The following CCAR2 variants were observed in gnomAD, a reference collection of about 807,000 sequenced individuals.
The protein encoded by CCAR2 is cell cycle and apoptosis regulator protein 2.
In CCAR2, 21 loss-of-function variants were observed where a neutral mutation model predicts 108.1. The ratio of observed to expected loss-of-function variants is 0.19; its 90% CI spans 0.14 to 0.28. The LOEUF (loss-of-function observed/expected upper bound fraction) is 0.28, where lower values mean the gene tolerates loss of function less well. Among genes scored for constraint, CCAR2 ranks in the 10% least tolerant of loss-of-function variants. The pLI, the probability that CCAR2 is intolerant of heterozygous loss-of-function variation, is 1.00. For synonymous variants in CCAR2, 577 were observed against 472.8 expected, an observed-to-expected ratio of 1.22 and a Z score of -2.86; for missense variants, 1,126 against 1,177.0, an observed-to-expected ratio of 0.96 and a Z score of 0.63.
At chr8:22,613,960 C>T (rs1362495741) in intron 8 of CCAR2, 132 bp from the exon 9 acceptor site, 7 of 706,380 alleles carry the variant, frequency 9.9e-6, no homozygotes, top group Admixed American at 2.7e-5. Flanking sequence ...GATCTAGCTT[C>T]CTTGAGAGGT....
chr8:22,611,008 A>G (rs557713010), intron 7 of CCAR2, among the ~76,000 whole-genome samples: 1 of 152,272 alleles, frequency 6.6e-6, no homozygotes, highest in East Asian at 1.9e-4. Flanking sequence ...AAAAATGTGT[A>G]AAGCAGTACA....
Position 22,607,950 on chromosome 8 carries a change from A to C in CCAR2, c.488-19A>C, listed in dbSNP as rs772291562. 1 of 1,611,024 alleles carries C rather than the reference A, an allele frequency of 6.2e-7. No homozygotes were observed. Among genetic ancestry groups the C allele is most frequent in the Non-Finnish European group, 8.5e-7 (1 of 1,177,892 alleles). On this transcript the variant is annotated intron_variant, in intron 6 of 20. Coordinates refer to ENST00000308511, the MANE Select transcript of CCAR2 (RefSeq NM_001393997.1). ...CGGTTTTTAGGGTTTTTGAGTCACC[A>C]GTCATTTCCTTTCTGCAGCTCTGAG...
At chr8:22,616,918 G>T (rs1801543076) in intron 14 of CCAR2, among the ~76,000 whole-genome samples, 1 of 81,146 alleles carries the variant, frequency 1.2e-5, no homozygotes, top group African/African-American at 5.1e-5. Context: ...GTCTTGCTCT[G>T]TCACCCAGGC....
chr8:22,618,090 G>GT (rs1295666442), intron 16 of CCAR2: 28 of 595,462 alleles, frequency 4.7e-5, no homozygotes, highest in South Asian at 4.1e-4. Context: ...TTGATGTTTT[G>GT]TTTTTTAGAG....
intron 6 of CCAR2, among the ~76,000 whole-genome samples, chr8:22,607,578 C>T (rs1801125199): frequency 6.6e-6 from 1 of 151,590 alleles, no homozygotes; most frequent in Non-Finnish European, 1.5e-5. Context: ...AGCAATTCTC[C>T]TGCCTCAGCT....
chr8:22,619,781 A>C lies in CCAR2; in HGVS notation c.*99A>C. ...GAAAGCAGCGAGAGCGAGACCTGGG[A>C]GCCAGGGCAGGGGTGGCTGACCCCA... On this transcript the variant is annotated 3_prime_UTR_variant, in exon 21 of 21. Transcript: ENST00000308511. 7.4e-7 allele frequency: 1 copy of C among 1,350,474 alleles called. No individual in the cohort carries two copies. The highest frequency in any genetic ancestry group is 1.0e-6 in the Non-Finnish European group (1 of 975,806). The allele number at this position is 1,350,474 out of a possible 1,614,324, so 83.7% of individuals were successfully genotyped here. A position where few individuals can be genotyped will look rare whatever the true frequency, so the allele number is the denominator to read the frequency against.
Position 22,619,698 on chromosome 8 carries a change from C to G in CCAR2, c.*16C>G, listed in dbSNP as rs1002018861. 9.6e-6 allele frequency: 15 copies of G among 1,562,190 alleles called. No homozygotes were observed. The highest frequency in any genetic ancestry group is 1.4e-5 in the African/African-American group (1 of 73,706). On this transcript the variant is annotated 3_prime_UTR_variant, in exon 21 of 21. Transcript: ENST00000308511. The stretch of plus-strand genomic sequence containing the variant: ...TAGCAACTGACGGCCTCGCACGGAA[C>G]TGCCATCCTGTGAGGGCAGCGGTGG...
chr8:22,618,254 C>T, intron 16 of CCAR2, 95 bp from the exon 17 acceptor site: 8 of 1,539,358 alleles, frequency 5.2e-6, no homozygotes, highest in Non-Finnish European at 7.1e-6. Flanking sequence ...CTGCATGTGG[C>T]CCAAGCCACT....
At position 22,608,031 on chromosome 8, in the gene CCAR2, C is replaced by G; in HGVS notation, c.550C>G (p.Arg184Gly). The stretch of plus-strand genomic sequence containing the variant: ...GAGCCACCTGAACAGATTTCCTGCC[C>G]GGGGCCCTCATGGACGGTTGGATCA... ...HLSHLNRFPA[R>G]GPHGRLDQGR... The change falls in exon 7 of 21, where the codon CGG becomes GGG. Residue 184 changes from arginine (R) to glycine (G), a missense_variant. Arg to Gly is a moderately radical substitution (Grantham distance 125). This residue lies in a region of CCAR2 where 1,013 missense variants were observed against 993.9 expected (regional missense o/e 1.02). Coordinates refer to ENST00000308511, the MANE Select transcript of CCAR2 (RefSeq NM_001393997.1). 6.2e-7 allele frequency: 1 copy of G among 1,613,954 alleles called. No individual in the cohort carries two copies. Among genetic ancestry groups the G allele is most frequent in the Non-Finnish European group, 8.5e-7 (1 of 1,179,978 alleles).
At chr8:22,611,523 T>C (rs1277567329) in intron 7 of CCAR2, among the ~76,000 whole-genome samples, 3 of 152,016 alleles carry the variant, frequency 2.0e-5, no homozygotes, top group Non-Finnish European at 2.9e-5. Context: ...TAACTGTTGT[T>C]AACAGGTAGG....
Position 22,608,200 on chromosome 8 carries a change from A to G in CCAR2, c.584+135A>G, listed in dbSNP as rs140378194. On this transcript the variant is annotated intron_variant, in intron 7 of 20. Coordinates refer to ENST00000308511, the MANE Select transcript of CCAR2 (RefSeq NM_001393997.1). Reference sequence around the variant, plus strand: ...GAAGGTGGCTATGCTTACCACTAACATTCTTTGCCTGCAGCTAGATCCTAG... The same window carrying G: ...GAAGGTGGCTATGCTTACCACTAACGTTCTTTGCCTGCAGCTAGATCCTAG... 6 of 639,240 alleles carry G rather than the reference A, an allele frequency of 9.4e-6. No individual in the cohort carries two copies. In the African/African-American group the frequency reaches 1.1e-4, roughly 12 times the overall value. The allele number at this position is 639,240 out of a possible 1,614,324, so 39.6% of individuals were successfully genotyped here. A position where few individuals can be genotyped will look rare whatever the true frequency, so the allele number is the denominator to read the frequency against.
At chr8:22,614,619 C>A in intron 10 of CCAR2, 116 bp downstream of exon 10, 1 of 1,082,924 alleles carries the variant, frequency 9.2e-7, no homozygotes, top group South Asian at 1.3e-5. Context: ...CAGAGCCGAA[C>A]ACCCCTCATT....
chr8:22,604,933 T>C, intron 1 of CCAR2, 91 bp downstream of exon 1: 1 of 357,384 alleles, frequency 2.8e-6, no homozygotes, highest in Non-Finnish European at 5.4e-6. Context: ...GCGGCGAAGA[T>C]GCGTGGGGCG....
rs776186494 is a variant in CCAR2, at chr8:22,619,281, C to T, written c.2653C>T (p.Leu885Phe). The T allele has an allele frequency of 1.9e-5, 29 of 1,564,556 alleles. No homozygotes were observed. The highest frequency in any genetic ancestry group is 2.3e-5 in the Non-Finnish European group (27 of 1,155,308). The part of the protein sequence containing the change: ...ARTAERQKSQ[L>F]QRLLQELRRR... ...GACGGCGGAGCGACAGAAGAGCCAG[C>T]TCCAGCGGCTGCTGCAGGAGCTCCG... Residue 885 changes from leucine (L) to phenylalanine (F), a missense_variant, in exon 20 of 21, where the codon CTC becomes TTC. Leu to Phe is a conservative substitution (Grantham distance 22). Around this residue, in one of 4 missense-constraint regions of CCAR2, gnomAD observed 1,013 missense variants for 993.9 expected, o/e 1.02. Transcript: ENST00000308511.
rs1563921517 is a variant in CCAR2, at chr8:22,615,839, GCCCTGGCTGTGTAAA to G, written c.1538_1552del (p.Pro513_Asn517del). 1 of 1,613,940 alleles carries G rather than the reference GCCCTGGCTGTGTAAA, an allele frequency of 6.2e-7. No individual in the cohort carries two copies. On this transcript the variant is annotated inframe_deletion, in exon 13 of 21. Transcript: ENST00000308511. ...CCCCTAGAACCTGCTGTCATCGCACGCCCTGGCTGTGTAAACCTGTCCCTCCATGGGATTGTGGAG... is the reference window on the plus strand; with the variant it reads ...CCCCTAGAACCTGCTGTCATCGCACGCCTGTCCCTCCATGGGATTGTGGAG...
In CCAR2 at chr8:22,615,817, CT is replaced by C. The variant is rs1280225975; in HGVS notation, c.1514del (p.Leu505GlnfsTer12). The C allele has an allele frequency of 5.6e-6, 9 of 1,613,900 alleles. No homozygotes were observed. Among genetic ancestry groups the C allele is most frequent in the Non-Finnish European group, 5.9e-6 (7 of 1,180,038 alleles). On this transcript the variant is annotated frameshift_variant, in exon 13 of 21. Coordinates refer to ENST00000308511, the MANE Select transcript of CCAR2 (RefSeq NM_001393997.1). LOFTEE classifies it high-confidence loss of function. The part of the protein sequence containing the change: ...TDLPEAPPPP[L>X]EPAVIARPGC... ...TCTCCCAGAGGCCCCTCCACCCCCC[CT>C]AGAACCTGCTGTCATCGCACGCCCT... is the stretch of plus-strand genomic sequence containing the variant.
At chr8:22,621,096 C>A (rs539327444), downstream of CCAR2, 6 of 287,546 alleles carry the variant, frequency 2.1e-5, no homozygotes, top group Middle Eastern at 1.1e-3. Flanking sequence ...GCTAAGACCC[C>A]CAACTTAGCC....
intron 11 of CCAR2, 127 bp from the exon 12 acceptor site, chr8:22,615,298 C>A: frequency 1.6e-6 from 2 of 1,215,662 alleles, no homozygotes; most frequent in Non-Finnish European, 2.3e-6. Flanking sequence ...CCTGTTGTGT[C>A]TTCAAAGCTT....
chr8:22,608,035 G>A lies in CCAR2; in HGVS notation c.554G>A (p.Gly185Asp). The stretch of plus-strand genomic sequence containing the variant: ...CACCTGAACAGATTTCCTGCCCGGG[G>A]CCCTCATGGACGGTTGGATCAGGGC... Reference protein sequence around the residue: ...LSHLNRFPARGPHGRLDQGRS... With the variant: ...LSHLNRFPARDPHGRLDQGRS... The change falls in exon 7 of 21, where the codon GGC becomes GAC. Residue 185 changes from glycine to aspartate, a missense_variant. Around this residue, in one of 4 missense-constraint regions of CCAR2, gnomAD observed 1,013 missense variants for 993.9 expected, o/e 1.02. Transcript: ENST00000308511. 3 of 1,613,972 alleles carry A rather than the reference G, an allele frequency of 1.9e-6. No homozygotes were observed. The highest frequency in any genetic ancestry group is 2.5e-6 in the Non-Finnish European group (3 of 1,179,980).
Sources: allele counts gnomAD v4.1 joint callset (sites outside exome capture counted in the v4.1 genomes callset), GRCh38; gene constraint gnomAD v4.1.1; regional missense constraint gnomAD v4.1.1; transcripts MANE v1.5; gene names NCBI Gene and HGNC (gene_info 2026-07-23, HGNC 2026-07-21).